Variants in AGPAT3 observed in about 807,000 individuals in gnomAD.
The protein encoded by AGPAT3 is 1-acylglycerol-3-phosphate O-acyltransferase 3.
A neutral mutation model predicts 47.3 loss-of-function variants in AGPAT3; 5 were observed. The ratio of observed to expected loss-of-function variants is 0.11; its 90% CI spans 0.06 to 0.22. AGPAT3 has a LOEUF of 0.22. Among genes scored for constraint, AGPAT3 ranks in the 10% least tolerant of loss-of-function variants. The pLI is 1.00. For synonymous variants in AGPAT3, 212 were observed against 208.3 expected, an observed-to-expected ratio of 1.02 and a Z score of -0.15; for missense variants, 315 against 493.0, an observed-to-expected ratio of 0.64 and a Z score of 3.42.
intron 1 of AGPAT3, among the ~76,000 whole-genome samples, chr21:43,901,831 A>AGTG (rs1465425381): frequency 1.3e-5 from 2 of 152,222 alleles, no homozygotes; most frequent in East Asian, 3.8e-4. Flanking sequence ...GAATGGGATT[A>AGTG]GTGGTAGATT....
At chr21:43,941,154 C>T (rs529427580) in intron 2 of AGPAT3, among the ~76,000 whole-genome samples, 8 of 152,258 alleles carry the variant, frequency 5.3e-5, no homozygotes, top group East Asian at 1.9e-4. Flanking sequence ...TTTCTAGAGC[C>T]GGAGAACGAG....
At chr21:43,906,720 G>A (rs1222024341) in intron 2 of AGPAT3, among the ~76,000 whole-genome samples, 4 of 152,340 alleles carry the variant, frequency 2.6e-5, no homozygotes, top group Admixed American at 6.5e-5. Flanking sequence ...CAGGAGTGTC[G>A]CCGGAGCCGT....
At chr21:43,925,156 G>GCTGGCT (rs1229676341) in intron 2 of AGPAT3, 2 of 152,410 alleles carry the variant, frequency 1.3e-5, no homozygotes, top group Admixed American at 1.3e-4. Context: ...CCTCGCTGGC[G>GCTGGCT]CTGGCTCAGC....
chr21:43,917,189 A>G (rs1299158420), intron 2 of AGPAT3, among the ~76,000 whole-genome samples: 1 of 63,104 alleles, frequency 1.6e-5, no homozygotes, highest in East Asian at 6.0e-4. Flanking sequence ...CCCCCCACAC[A>G]CGTACCGCTG....
intron 2 of AGPAT3, chr21:43,946,854 G>GC (rs1463809405): frequency 6.6e-6 from 1 of 152,428 alleles, no homozygotes; most frequent in Non-Finnish European, 1.5e-5. Flanking sequence ...ATGCTCTTCT[G>GC]CCCTGGTGCA....
At chr21:43,967,849 T>C in intron 3 of AGPAT3, 97 bp from the exon 4 acceptor site, 1 of 1,295,158 alleles carries the variant, frequency 7.7e-7, no homozygotes, top group Non-Finnish European at 1.1e-6. Context: ...AGACTTCCTC[T>C]CTGGACAAAA....
At position 43,985,076 on chromosome 21, in the gene AGPAT3, A is replaced by G. The variant is rs771700099; in HGVS notation, c.*2684A>G. The G allele has an allele frequency of 2.0e-4, 93 of 455,834 alleles. No individual in the cohort carries two copies. The highest frequency in any genetic ancestry group is 1.8e-3 in the African/African-American group (89 of 50,182). The allele number at this position is 455,834 out of a possible 1,614,324, so 28.2% of individuals were successfully genotyped here. On this transcript the variant is annotated 3_prime_UTR_variant, in exon 10 of 10. Coordinates refer to ENST00000291572, the MANE Select transcript of AGPAT3 (RefSeq NM_020132.5). ...CTCCCAGGCGGGAGGGCCCAGGCCCACCCACGGGCGTCTGGCCGGTCAAGC... is the reference window on the plus strand; with the variant it reads ...CTCCCAGGCGGGAGGGCCCAGGCCCGCCCACGGGCGTCTGGCCGGTCAAGC...
intron 2 of AGPAT3, among the ~76,000 whole-genome samples, chr21:43,921,634 A>G (rs1370732762): frequency 2.0e-5 from 3 of 152,220 alleles, no homozygotes; most frequent in African/African-American, 7.2e-5. Flanking sequence ...CCTGCGGGTG[A>G]GACTCTGGGC....
chr21:43,968,699 C>T (rs2089261286), intron 4 of AGPAT3, among the ~76,000 whole-genome samples: 1 of 152,116 alleles, frequency 6.6e-6, no homozygotes, highest in Non-Finnish European at 1.5e-5. Context: ...TCATCATGGC[C>T]TTTGCCTTTG....
chr21:43,973,944 A>G (rs538327445), intron 7 of AGPAT3, among the ~76,000 whole-genome samples: 70 of 152,208 alleles, frequency 4.6e-4, no homozygotes, highest in African/African-American at 1.5e-3. Context: ...TGGGGTGCAG[A>G]AAAAAAATAG....
At chr21:43,914,533 T>TTTTG (rs2086689783) in intron 2 of AGPAT3, among the ~76,000 whole-genome samples, 7 of 151,932 alleles carry the variant, frequency 4.6e-5, no homozygotes, top group African/African-American at 1.7e-4. Context: ...GTAGAGGTTT[T>TTTTG]TTTTGTTTTG....
rs1246845518 is a variant in AGPAT3 at position 43,908,662 on chromosome 21, CTG to C, written c.-49+4646_-49+4647del. ...CAGGGCTGTGTCCAGGTTCAGGGGA[CTG>C]TGAAATGCCAGCAGCTTCTAAAACC... On this transcript the variant is annotated intron_variant, in intron 2 of 9. Transcript: ENST00000291572. The surrounding 1 kb of genome is among the most constrained non-coding windows in gnomAD (Gnocchi z 4.9). 1.3e-5 allele frequency among the ~76,000 whole-genome samples: 2 copies of C among 152,160 alleles called. No homozygotes were observed. The highest frequency in any genetic ancestry group is 2.9e-5 in the Non-Finnish European group (2 of 68,032).
At chr21:43,872,984 G>A (rs543538420) in intron 1 of AGPAT3, among the ~76,000 whole-genome samples, 3 of 152,362 alleles carry the variant, frequency 2.0e-5, no homozygotes, top group South Asian at 2.1e-4. Context: ...AGAGAGCTGC[G>A]GCCTCCCCCT....
At chr21:43,926,384 G>A (rs1286569892) in intron 2 of AGPAT3, among the ~76,000 whole-genome samples, 1 of 152,202 alleles carries the variant, frequency 6.6e-6, no homozygotes, top group East Asian at 1.9e-4. Context: ...GTAGGACAGC[G>A]GGGTGGTCCA....
intron 2 of AGPAT3, among the ~76,000 whole-genome samples, chr21:43,909,431 G>T (rs1248697473): frequency 6.6e-6 from 1 of 152,068 alleles, no homozygotes; most frequent in Non-Finnish European, 1.5e-5. Flanking sequence ...GAGTAGCTGG[G>T]ACTACAGGCG....
intron 1 of AGPAT3, among the ~76,000 whole-genome samples, chr21:43,882,247 G>T (rs1352125030): frequency 6.6e-6 from 1 of 152,244 alleles, no homozygotes; most frequent in Non-Finnish European, 1.5e-5. Context: ...CTTAGAGCAG[G>T]GTCTGGCAAA....
chr21:43,929,524 G>C (rs544833871), intron 2 of AGPAT3, among the ~76,000 whole-genome samples: 2 of 152,354 alleles, frequency 1.3e-5, no homozygotes, highest in African/African-American at 4.8e-5. Context: ...GGGCAAGTGG[G>C]ATTGGCACAC....
rs530660056 is a variant in AGPAT3, at chr21:43,962,927, T to C, written c.178+3068T>C. Among the ~76,000 whole-genome samples, 4 of 132,518 alleles carry C rather than the reference T, an allele frequency of 3.0e-5. No homozygotes were observed. In the South Asian group the frequency reaches 9.6e-4, roughly 32 times the overall value. 86.9% of individuals were successfully genotyped at this position (132,518 alleles called of 152,430 possible). On this transcript the variant is annotated intron_variant, in intron 3 of 9. Coordinates refer to ENST00000291572, the MANE Select transcript of AGPAT3 (RefSeq NM_020132.5). ...TGCCCCGACTTGAAAGAGAACCAAG[T>C]AGAACTGCTCTCAGTGAGAACTGTA...
chr21:43,936,574 G>A (rs2087455772), intron 2 of AGPAT3, among the ~76,000 whole-genome samples: 1 of 152,280 alleles, frequency 6.6e-6, no homozygotes, highest in African/African-American at 2.4e-5. Context: ...GGTAATGCCT[G>A]TGTTGAAAGA....
Sources: allele counts gnomAD v4.1 joint callset (sites outside exome capture counted in the v4.1 genomes callset), GRCh38; gene constraint gnomAD v4.1.1; non-coding constraint Gnocchi (gnomAD v3.1); transcripts MANE v1.5; gene names NCBI Gene and HGNC (gene_info 2026-07-23, HGNC 2026-07-21).